MDGA2: variants seen among roughly 807,000 people sequenced by gnomAD.
The protein encoded by MDGA2 is MAM domain-containing glycosylphosphatidylinositol anchor protein 2.
In MDGA2, 40 loss-of-function variants were observed where a neutral mutation model predicts 117.8. The ratio of observed to expected loss-of-function variants is 0.34; its 90% CI spans 0.26 to 0.44. MDGA2 has a LOEUF of 0.44. MDGA2 is among the 20% of genes least tolerant of loss of function. The pLI is 1.00. For synonymous variants in MDGA2, 452 were observed against 439.0 expected, an observed-to-expected ratio of 1.03 and a Z score of -0.37; for missense variants, 1,123 against 1,250.6, an observed-to-expected ratio of 0.90 and a Z score of 1.54.
chr14:47,312,401 C>T (rs900484410), intron 1 of MDGA2, among the ~76,000 whole-genome samples: 1 of 152,010 alleles, frequency 6.6e-6, no homozygotes, highest in Non-Finnish European at 1.5e-5. Flanking sequence ...AGAGCAAGAC[C>T]CTACTTTCAG....
intron 1 of MDGA2, among the ~76,000 whole-genome samples, chr14:47,560,293 G>A (rs376927340): frequency 8.6e-5 from 13 of 151,142 alleles, no homozygotes; most frequent in African/African-American, 3.2e-4. Context: ...GGATGGTCTC[G>A]ACCTCCTGAC....
intron 9 of MDGA2, among the ~76,000 whole-genome samples, chr14:46,954,392 G>A (rs1452842029): frequency 6.6e-6 from 1 of 152,028 alleles, no homozygotes; most frequent in Non-Finnish European, 1.5e-5. Flanking sequence ...ACGACAAACA[G>A]CCACAAACTG....
intron 8 of MDGA2, among the ~76,000 whole-genome samples, chr14:46,989,203 C>T (rs1886983571): frequency 6.6e-6 from 1 of 151,898 alleles, no homozygotes; most frequent in Non-Finnish European, 1.5e-5. Context: ...GTAGTTTTCC[C>T]CAATTCTGCT....
chr14:47,086,121 G>GT (rs71112481), intron 6 of MDGA2, among the ~76,000 whole-genome samples: 1,916 of 139,288 alleles, frequency 0.014, 50 homozygotes, highest in African/African-American at 0.048. Flanking sequence ...TTTGTTTTTT[G>GT]TTTTTTTTTT....
rs773297654 is a variant in MDGA2, at chr14:47,009,159, A to T, written c.1819+25852T>A. Among the ~76,000 whole-genome samples the T allele has an allele frequency of 7.7e-4, 117 of 152,168 alleles. 1 individual carries two copies. The highest frequency in any genetic ancestry group is 1.4e-3 in the Non-Finnish European group (96 of 67,962). ...AGCACTCCAAATAGTCCTATAGTTT[A>T]GTTCACATTTTCCACATAAATCAAG... On this transcript the variant is annotated intron_variant, in intron 8 of 16. Transcript: ENST00000399232.
chr14:47,473,022 G>A (rs1019760620), intron 1 of MDGA2, among the ~76,000 whole-genome samples: 1 of 152,168 alleles, frequency 6.6e-6, no homozygotes, highest in African/African-American at 2.4e-5. Flanking sequence ...GGAAATGCGA[G>A]TAGAAGCACA....
At chr14:47,055,657 G>T (rs555833994) in intron 7 of MDGA2, among the ~76,000 whole-genome samples, 17 of 152,210 alleles carry the variant, frequency 1.1e-4, no homozygotes, top group African/African-American at 3.8e-4. Context: ...TTTTATTTCT[G>T]AATTAATAGG....
intron 3 of MDGA2, among the ~76,000 whole-genome samples, chr14:47,175,955 C>G (rs1368179716): frequency 6.6e-6 from 1 of 152,156 alleles, no homozygotes; most frequent in Non-Finnish European, 1.5e-5. Flanking sequence ...AGCAAAGTCT[C>G]AGGATACAAA....
chr14:47,634,551 A>G (rs1362120515), intron 1 of MDGA2, among the ~76,000 whole-genome samples: 1 of 152,150 alleles, frequency 6.6e-6, no homozygotes, highest in Non-Finnish European at 1.5e-5. Context: ...AATCGCTTGT[A>G]AATCTGGCCT....
chr14:46,995,503 T>C (rs1887255349), intron 8 of MDGA2, among the ~76,000 whole-genome samples: 1 of 152,192 alleles, frequency 6.6e-6, no homozygotes, highest in Non-Finnish European at 1.5e-5. Context: ...TCTAAATTAA[T>C]TTGTCATTTT....
At chr14:47,434,112 A>T (rs1892851776) in intron 1 of MDGA2, among the ~76,000 whole-genome samples, 1 of 152,136 alleles carries the variant, frequency 6.6e-6, no homozygotes, top group African/African-American at 2.4e-5. Context: ...AAAAATACAC[A>T]TTAAGATTCT....
chr14:47,643,282 T>A (rs930351736), intron 1 of MDGA2, among the ~76,000 whole-genome samples: 1 of 152,202 alleles, frequency 6.6e-6, no homozygotes, highest in East Asian at 1.9e-4. Context: ...AAAATGTCTA[T>A]CAAAAGTTGA....
chr14:47,122,128 T>G, intron 5 of MDGA2, among the ~76,000 whole-genome samples: 1 of 152,014 alleles, frequency 6.6e-6, no homozygotes, highest in Non-Finnish European at 1.5e-5. Context: ...AATGTGAAAT[T>G]TTATTGTGAG....
At chr14:47,167,450 G>A (rs1883931478) in intron 3 of MDGA2, among the ~76,000 whole-genome samples, 1 of 152,094 alleles carries the variant, frequency 6.6e-6, no homozygotes, top group Admixed American at 6.6e-5. Flanking sequence ...CATAAAGCAT[G>A]TGCTGACTGA....
chr14:47,282,500 A>C (rs1206404705), intron 2 of MDGA2, among the ~76,000 whole-genome samples: 1 of 143,980 alleles, frequency 6.9e-6, no homozygotes, highest in African/African-American at 2.6e-5. Context: ...TAACACGGTG[A>C]AACCCCGTCT....
intron 1 of MDGA2, among the ~76,000 whole-genome samples, chr14:47,591,868 G>A (rs1006152280): frequency 1.2e-4 from 18 of 151,824 alleles, no homozygotes; most frequent in African/African-American, 4.4e-4. Context: ...TTTGAAAACC[G>A]GCACAAGACA....
At chr14:47,152,567 T>A (rs986067558) in intron 3 of MDGA2, among the ~76,000 whole-genome samples, 11 of 152,150 alleles carry the variant, frequency 7.2e-5, no homozygotes, top group East Asian at 3.8e-4. Flanking sequence ...TATATCTTAA[T>A]CTAAAATGTT....
chr14:47,362,434 G>A (rs777468399), intron 1 of MDGA2, among the ~76,000 whole-genome samples: 7 of 152,030 alleles, frequency 4.6e-5, no homozygotes, highest in Non-Finnish European at 1.0e-4. Context: ...AAAATGCATG[G>A]ATTTGCTATA....
At chr14:47,219,175 CTAAA>C (rs1190477690) in intron 2 of MDGA2, among the ~76,000 whole-genome samples, 1 of 151,942 alleles carries the variant, frequency 6.6e-6, no homozygotes, top group African/African-American at 2.4e-5. Context: ...GAAAATGAAA[CTAAA>C]TACTGAATCA....
Sources: gnomAD v4.1 joint callset for allele counts (sites outside exome capture counted in the v4.1 genomes callset) on GRCh38, gnomAD v4.1.1 for gene constraint, MANE v1.5 for transcripts, NCBI Gene and HGNC (gene_info 2026-07-23, HGNC 2026-07-21) for gene names.